TUT4: variants seen among roughly 807,000 people sequenced by gnomAD.
TUT4 encodes terminal uridylyltransferase 4.
A neutral mutation model predicts 192.2 loss-of-function variants in TUT4; 36 were observed. The ratio of observed to expected loss-of-function variants is 0.19; its 90% CI spans 0.14 to 0.25. TUT4 has a LOEUF of 0.25. Among genes scored for constraint, TUT4 ranks in the 10% least tolerant of loss-of-function variants. TUT4 has a pLI of 1.00. For missense variants in TUT4, 1,493 were observed against 1,957.2 expected (o/e 0.76, Z 4.47); for synonymous variants, 618 against 666.0 (o/e 0.93, Z 1.11).
intron 20 of TUT4, among the ~76,000 whole-genome samples, chr1:52,453,421 T>C (rs1207100674): frequency 1.3e-5 from 2 of 151,246 alleles, no homozygotes; most frequent in Non-Finnish European, 2.9e-5. Context: ...TGGGTTTGAG[T>C]GTGTGTTTTC....
At chr1:52,543,239 G>A (rs1687198462) in intron 1 of TUT4, among the ~76,000 whole-genome samples, 1 of 152,126 alleles carries the variant, frequency 6.6e-6, no homozygotes, top group Non-Finnish European at 1.5e-5. Flanking sequence ...AATGGATTCA[G>A]CAAAGTAGCA....
chr1:52,505,409 T>C (rs906898501), intron 4 of TUT4, among the ~76,000 whole-genome samples: 13 of 149,892 alleles, frequency 8.7e-5, no homozygotes, highest in African/African-American at 3.2e-4. Context: ...TACTCCTAGT[T>C]TGCTTAGACT....
intron 1 of TUT4, among the ~76,000 whole-genome samples, chr1:52,530,373 A>T (rs1374691304): frequency 1.3e-5 from 2 of 152,000 alleles, no homozygotes; most frequent in Non-Finnish European, 2.9e-5. Flanking sequence ...GTAGGTGTAT[A>T]TATTTATGGG....
intron 1 of TUT4, among the ~76,000 whole-genome samples, chr1:52,549,134 G>A (rs531684108): frequency 1.2e-4 from 19 of 152,230 alleles, no homozygotes; most frequent in African/African-American, 2.9e-4. Flanking sequence ...CACTAAAAAC[G>A]GGTAAACTCT....
chr1:52,512,900 A>T (rs886086260), intron 3 of TUT4, among the ~76,000 whole-genome samples: 6 of 136,984 alleles, frequency 4.4e-5, no homozygotes, highest in South Asian at 2.3e-4. Flanking sequence ...TGAAGAAATA[A>T]AAAAAAAACA....
At chr1:52,461,299 T>C in intron 18 of TUT4, 76 bp from the exon 19 acceptor site, 1 of 1,370,040 alleles carries the variant, frequency 7.3e-7, no homozygotes, top group South Asian at 1.3e-5. Context: ...AAAAGTAAAA[T>C]ACACTCCAAA....
chr1:52,498,553 A>G (rs964476732), intron 4 of TUT4, among the ~76,000 whole-genome samples: 2 of 151,858 alleles, frequency 1.3e-5, no homozygotes, highest in African/African-American at 4.8e-5. Context: ...CGTTTCACTT[A>G]GGATCCATCC....
intron 3 of TUT4, 168 bp downstream of exon 3, chr1:52,515,723 C>T: frequency 4.0e-6 from 3 of 757,832 alleles, no homozygotes; most frequent in Non-Finnish European, 6.4e-6. Flanking sequence ...AAAAGAGAGG[C>T]AAGGAAGAAA....
At chr1:52,503,668 C>T (rs937174342) in intron 4 of TUT4, among the ~76,000 whole-genome samples, 4 of 152,186 alleles carry the variant, frequency 2.6e-5, no homozygotes, top group African/African-American at 9.7e-5. Flanking sequence ...ATCCTCCCAC[C>T]TCAGCATCCT....
At chr1:52,480,309 G>A (rs1668187403) in intron 11 of TUT4, among the ~76,000 whole-genome samples, 1 of 152,156 alleles carries the variant, frequency 6.6e-6, no homozygotes, top group African/African-American at 2.4e-5. Flanking sequence ...AAAGTCAAGT[G>A]AATAAAATTT....
intron 1 of TUT4, among the ~76,000 whole-genome samples, chr1:52,541,568 CA>C (rs1309472405): frequency 2.0e-5 from 3 of 150,106 alleles, no homozygotes; most frequent in Non-Finnish European, 4.4e-5. Flanking sequence ...CATCATATCA[CA>C]TTAAAAAAAA....
intron 6 of TUT4, 25 bp downstream of exon 6, chr1:52,495,402 C>T (rs1672200311): frequency 1.4e-6 from 2 of 1,452,268 alleles, no homozygotes; most frequent in South Asian, 1.2e-5. Context: ...TTAAGAACCA[C>T]ACAGGAAAGA....
rs114330386 is a variant in TUT4, at chr1:52,541,133, G to A, written c.-94+11798C>T. ...AGGCACAAGAATTGCCTGAACCCAG[G>A]AGGAGGCAGAGGTTGCAGTGAGCCA... On this transcript the variant is annotated intron_variant, in intron 1 of 29. Coordinates refer to ENST00000257177, the MANE Select transcript of TUT4 (RefSeq NM_001009881.3). Among the ~76,000 whole-genome samples the A allele has an allele frequency of 3.6e-3, 547 of 151,464 alleles. 3 individuals are homozygous for A. The highest frequency in any genetic ancestry group is 0.013 in the African/African-American group (522 of 41,254).
At chr1:52,543,953 G>C (rs1687396298) in intron 1 of TUT4, among the ~76,000 whole-genome samples, 1 of 152,054 alleles carries the variant, frequency 6.6e-6, no homozygotes, top group Non-Finnish European at 1.5e-5. Context: ...AAAAACAAAA[G>C]TGGAGGACTC....
At chr1:52,501,010 A>G (rs1436568057) in intron 4 of TUT4, among the ~76,000 whole-genome samples, 1 of 152,162 alleles carries the variant, frequency 6.6e-6, no homozygotes, top group Non-Finnish European at 1.5e-5. Flanking sequence ...GAACTCCTAG[A>G]AAAAAACAGA....
chr1:52,476,698 T>G (rs1420836062), intron 12 of TUT4, among the ~76,000 whole-genome samples: 1 of 152,208 alleles, frequency 6.6e-6, no homozygotes. Flanking sequence ...GCTGGCAGGC[T>G]TCAGAGCTCA....
intron 4 of TUT4, among the ~76,000 whole-genome samples, chr1:52,505,918 CCTCAACTTT>C (rs1370295221): frequency 2.6e-5 from 4 of 151,852 alleles, no homozygotes; most frequent in Non-Finnish European, 5.9e-5. Context: ...CTTACTGCAA[CCTCAACTTT>C]CTGGGTTCAG....
At chr1:52,488,068 C>T (rs1670238812) in intron 9 of TUT4, among the ~76,000 whole-genome samples, 1 of 152,094 alleles carries the variant, frequency 6.6e-6, no homozygotes. Flanking sequence ...TATAAAGAAG[C>T]CCCAACCTTA....
At chr1:52,500,136 A>G (rs111281288) in intron 4 of TUT4, among the ~76,000 whole-genome samples, 1 of 151,672 alleles carries the variant, frequency 6.6e-6, no homozygotes, top group African/African-American at 2.4e-5. Flanking sequence ...AAAAAAGAAC[A>G]GAGTGCCCAG....
Sources: allele counts gnomAD v4.1 joint callset (sites outside exome capture counted in the v4.1 genomes callset), GRCh38; gene constraint gnomAD v4.1.1; transcripts MANE v1.5; gene names NCBI Gene and HGNC (gene_info 2026-07-23, HGNC 2026-07-21).